Variants in ADGRF3 observed in about 807,000 individuals in gnomAD.
The protein encoded by ADGRF3 is adhesion G protein-coupled receptor F3.
A neutral mutation model predicts 93.2 loss-of-function variants in ADGRF3; 85 were observed. The observed-to-expected ratio is 0.91, with a 90% CI of 0.77 to 1.09. ADGRF3 has a LOEUF of 1.09. Among genes scored for constraint, ADGRF3 ranks in the 50% least tolerant of loss-of-function variants. ADGRF3 has a pLI of 0.00. For missense variants in ADGRF3, 1,125 were observed against 1,246.2 expected, an observed-to-expected ratio of 0.90 and a Z score of 1.46; for synonymous variants, 534 against 532.5, an observed-to-expected ratio of 1.00 and a Z score of -0.04.
At chr2:26,323,193 C>T (rs895812237) in intron 1 of ADGRF3, among the ~76,000 whole-genome samples, 18 of 152,176 alleles carry the variant, frequency 1.2e-4, no homozygotes, top group Middle Eastern at 3.4e-3. Context: ...TCTTATGGAC[C>T]GATCAGTTTC....
At chr2:26,317,319 A>C (rs930468824) in intron 2 of ADGRF3, among the ~76,000 whole-genome samples, 177 bp downstream of exon 2, 7 of 152,142 alleles carry the variant, frequency 4.6e-5, no homozygotes, top group African/African-American at 1.7e-4. Flanking sequence ...GTTCATTTCC[A>C]GGCCTCTCCG....
rs753727127 is a variant in ADGRF3 at position 26,317,034 on chromosome 2, T to C, written c.203A>G (p.Tyr68Cys). 4 of 1,612,314 alleles carry C rather than the reference T, an allele frequency of 2.5e-6. No individual in the cohort carries two copies. The highest frequency in any genetic ancestry group is 1.3e-5 in the African/African-American group (1 of 74,942). Residue 68 changes from tyrosine to cysteine, a missense_variant, in exon 3 of 14, where the codon TAT (tyrosine) becomes TGT (cysteine). Transcript: ENST00000651242. ...CTTATCTGGAAAGTCCAGATGTACATAGACGGAGACCAGCGCTGATTCTAC... is the reference window on the plus strand; with the variant it reads ...CTTATCTGGAAAGTCCAGATGTACACAGACGGAGACCAGCGCTGATTCTAC... ...GAGESALVSV[Y>C]VHLDFPDKTW...
chr2:26,337,967 G>A (rs1676148726), intron 1 of ADGRF3, among the ~76,000 whole-genome samples: 1 of 152,122 alleles, frequency 6.6e-6, no homozygotes, highest in Non-Finnish European at 1.5e-5. Context: ...AGGTTGCAGT[G>A]AGCCGAGATC....
At chr2:26,319,608 TTCC>T (rs1675020211) in intron 1 of ADGRF3, among the ~76,000 whole-genome samples, 5 of 70,258 alleles carry the variant, frequency 7.1e-5, no homozygotes, top group African/African-American at 1.7e-4. Flanking sequence ...CCTTCCTTCC[TTCC>T]TTCCTTTCTT....
At chr2:26,318,182 C>G (rs1024481614) in intron 1 of ADGRF3, 1 of 1,121,752 alleles carries the variant, frequency 8.9e-7, no homozygotes, top group East Asian at 2.6e-5. Flanking sequence ...AGTCCTTCCT[C>G]CAGGAAATAT....
intron 1 of ADGRF3, chr2:26,318,759 A>C: frequency 1.3e-6 from 1 of 753,188 alleles, no homozygotes; most frequent in Non-Finnish European, 2.2e-6. Context: ...ATAAGGAAAC[A>C]AGAGCTATCC....
chr2:26,343,748 AC>A (rs1343509352), intron 1 of ADGRF3, among the ~76,000 whole-genome samples: 1 of 151,958 alleles, frequency 6.6e-6, no homozygotes, highest in Non-Finnish European at 1.5e-5. Context: ...CGGCCCAAAT[AC>A]CCTCTTTTTG....
Position 26,310,952 on chromosome 2 carries a change from A to T in ADGRF3, c.2572T>A (p.Leu858Ile). Residue 858 changes from leucine to isoleucine, a missense_variant, in exon 10 of 14, where the codon TTA becomes ATA. Physicochemically the swap from Leu to Ile is conservative, Grantham distance 5. Coordinates refer to ENST00000651242, the MANE Select transcript of ADGRF3 (RefSeq NM_001321971.2). ...AGCACTGGCCCCACGAAGGTGTATA[A>T]CGCCCCTCCCTTCCCATCCAACCAG... ...ECWLDGKGGA[L>I]YTFVGPVLAI... is the part of the protein sequence containing the mutation. The T allele has an allele frequency of 6.2e-7, 1 of 1,613,720 alleles. No homozygotes were observed. Among genetic ancestry groups the T allele is most frequent in the South Asian group, 1.1e-5 (1 of 91,028 alleles).
At chr2:26,343,989 G>A (rs879765632) in intron 1 of ADGRF3, among the ~76,000 whole-genome samples, 1 of 152,184 alleles carries the variant, frequency 6.6e-6, no homozygotes, top group East Asian at 1.9e-4. Flanking sequence ...AATATCAGAG[G>A]TAGAAAACAA....
rs752140944 is a variant in ADGRF3 at position 26,310,035 on chromosome 2, C to A, written c.2937+8G>T. ...TGCACAGCTGAGGATCTGAAGGCAG[C>A]AACTCACCAGGGAGATGGTGGAGCT... On this transcript the variant is annotated splice_region_variant and intron_variant, in intron 12 of 13. Coordinates refer to ENST00000651242, the MANE Select transcript of ADGRF3 (RefSeq NM_001321971.2). 2 of 1,613,958 alleles carry A rather than the reference C, an allele frequency of 1.2e-6. No homozygotes were observed. The highest frequency in any genetic ancestry group is 2.7e-5 in the African/African-American group (2 of 74,946).
In ADGRF3 at chr2:26,328,762, T is replaced by A. The variant is rs181930523; in HGVS notation, c.115-11200A>T. Among the ~76,000 whole-genome samples, 309 of 152,346 alleles carry A rather than the reference T, an allele frequency of 2.0e-3. 1 individual carries two copies. The highest frequency in any genetic ancestry group is 2.2e-3 in the Non-Finnish European group (147 of 68,024). On this transcript the variant is annotated intron_variant, in intron 1 of 13. Coordinates refer to ENST00000651242, the MANE Select transcript of ADGRF3 (RefSeq NM_001321971.2). ...GCACTGCGCCCAGCTGCCTTTTTAG[T>A]ATTTTATCCACAGATCCCAGTGGCT...
chr2:26,320,537 T>G (rs915636122), intron 1 of ADGRF3, among the ~76,000 whole-genome samples: 1 of 152,126 alleles, frequency 6.6e-6, no homozygotes, highest in African/African-American at 2.4e-5. Flanking sequence ...GATAAACATA[T>G]ACAAACCTCC....
In ADGRF3 at chr2:26,309,112, G is replaced by A; in HGVS notation, c.2994-5C>T. The A allele has an allele frequency of 2.5e-6, 4 of 1,614,044 alleles. No individual in the cohort carries two copies. Among genetic ancestry groups the A allele is most frequent in the Non-Finnish European group, 3.4e-6 (4 of 1,179,902 alleles). ...CACTCTGAAGCATCTGTCTTCCTGTGAAAGAGCTTGCGGCTGGTGAGTGGA... is the reference window on the plus strand; with the variant it reads ...CACTCTGAAGCATCTGTCTTCCTGTAAAAGAGCTTGCGGCTGGTGAGTGGA... On this transcript the variant is annotated splice_polypyrimidine_tract_variant and splice_region_variant and intron_variant, in intron 13 of 13. Transcript: ENST00000651242.
At position 26,311,143 on chromosome 2, in the gene ADGRF3, T is replaced by C; in HGVS notation, c.2381A>G (p.Gln794Arg). 8.2e-6 allele frequency: 13 copies of C among 1,594,788 alleles called. No individual in the cohort carries two copies. The highest frequency in any genetic ancestry group is 1.1e-5 in the Non-Finnish European group (13 of 1,171,090). The change falls in exon 10 of 14, where the codon CAG becomes CGG. Residue 794 changes from glutamine (Q) to arginine (R), a missense_variant. Physicochemically the swap from Gln to Arg is conservative, Grantham distance 43. Transcript: ENST00000651242. ...YLATFFWMLA[Q>R]ALVLAHQLLF... Reference sequence around the variant, plus strand: ...CAGCTGGTGGGCCAACACCAGGGCCTGCGCCAGCATCCAGAAAAAGGTGGC... The same window carrying C: ...CAGCTGGTGGGCCAACACCAGGGCCCGCGCCAGCATCCAGAAAAAGGTGGC...
At chr2:26,323,522 A>C (rs1675272351) in intron 1 of ADGRF3, among the ~76,000 whole-genome samples, 1 of 152,028 alleles carries the variant, frequency 6.6e-6, no homozygotes. Context: ...GGCTGGCCTC[A>C]AAGTCCTGGG....
intron 5 of ADGRF3, 99 bp downstream of exon 5, chr2:26,315,423 G>A: frequency 8.2e-7 from 1 of 1,226,072 alleles, no homozygotes. Context: ...AGGGAGGGAG[G>A]CGTGGGAAGA....
chr2:26,327,563 T>TA (rs397787880), intron 1 of ADGRF3, among the ~76,000 whole-genome samples: 2 of 151,748 alleles, frequency 1.3e-5, no homozygotes, highest in Non-Finnish European at 2.9e-5. Context: ...TTTTTTTTTT[T>TA]AAATAAGGCA....
chr2:26,345,475 G>A (rs907940880), intron 1 of ADGRF3, among the ~76,000 whole-genome samples: 2 of 152,148 alleles, frequency 1.3e-5, no homozygotes, highest in African/African-American at 4.8e-5. Context: ...AGGTTCCTAA[G>A]CAACATAGAC....
At chr2:26,319,707 C>G (rs116513555) in intron 1 of ADGRF3, among the ~76,000 whole-genome samples, 2,297 of 151,658 alleles carry the variant, frequency 0.015, 57 homozygotes, top group African/African-American at 0.052. Context: ...CTCGCTTGCT[C>G]TCACTCTCGT....
Sources: allele counts gnomAD v4.1 joint callset (sites outside exome capture counted in the v4.1 genomes callset), GRCh38; gene constraint gnomAD v4.1.1; transcripts MANE v1.5; gene names NCBI Gene and HGNC (gene_info 2026-07-23, HGNC 2026-07-21).